ARHGEF10: variants seen among roughly 807,000 people sequenced by gnomAD.
The protein encoded by ARHGEF10 is Rho guanine nucleotide exchange factor (GEF) 10.
In ARHGEF10, 140 loss-of-function variants were observed where a neutral mutation model predicts 147.4. The observed-to-expected ratio is 0.95, with a 90% CI of 0.83 to 1.09. The LOEUF (loss-of-function observed/expected upper bound fraction) is 1.09, where lower values mean the gene tolerates loss of function less well. Among genes scored for constraint, ARHGEF10 ranks in the 50% least tolerant of loss-of-function variants. ARHGEF10 has a pLI of 0.00. For synonymous variants in ARHGEF10, 902 were observed against 695.8 expected (o/e 1.30, Z -4.67); for missense variants, 2,222 against 1,752.7 (o/e 1.27, Z -4.78).
Position 1,905,706 on chromosome 8 carries a change from G to A in ARHGEF10, c.1957G>A (p.Val653Ile), listed in dbSNP as rs769409907. ...AAATGATGTGTTAATGTGTGCCACCGTCAGCTCACGGTAAGTGCATAAATT... is the reference window on the plus strand; with the variant it reads ...AAATGATGTGTTAATGTGTGCCACCATCAGCTCACGGTAAGTGCATAAATT... ...MLNDVLMCAT[V>I]SSRPSHDSRV... The change falls in exon 17 of 29, where the codon GTC becomes ATC. Residue 653 changes from valine (V) to isoleucine (I), a missense_variant. Coordinates refer to ENST00000349830, the MANE Select transcript of ARHGEF10 (RefSeq NM_014629.4). 15 of 1,613,670 alleles carry A rather than the reference G, an allele frequency of 9.3e-6. No homozygotes were observed. In the Admixed American group the frequency reaches 1.2e-4, roughly 13 times the overall value.
At chr8:1,874,150 A>G (rs1269053156) in intron 7 of ARHGEF10, among the ~76,000 whole-genome samples, 1 of 152,240 alleles carries the variant, frequency 6.6e-6, no homozygotes, top group African/African-American at 2.4e-5. Flanking sequence ...GGAAGTGAGT[A>G]ATTCACTGAA....
At chr8:1,874,485 T>C (rs557090916) in intron 7 of ARHGEF10, among the ~76,000 whole-genome samples, 57 of 152,370 alleles carry the variant, frequency 3.7e-4, no homozygotes, top group African/African-American at 1.3e-3. Flanking sequence ...GAAAACCATG[T>C]CTGTGTAGAC....
At chr8:1,894,274 C>G in intron 12 of ARHGEF10, 119 bp from the exon 13 acceptor site, 1 of 1,031,500 alleles carries the variant, frequency 9.7e-7, no homozygotes, top group Non-Finnish European at 1.5e-6. Flanking sequence ...GGCTTGAGCC[C>G]AGGAGTTTGA....
chr8:1,858,151 G>A, intron 3 of ARHGEF10, 36 bp downstream of exon 3: 1 of 1,590,400 alleles, frequency 6.3e-7, no homozygotes, highest in Non-Finnish European at 8.6e-7. Context: ...TGAGTCCCCA[G>A]GTGGGTCCCC....
At chr8:1,906,541 T>A (rs1458416549) in intron 17 of ARHGEF10, among the ~76,000 whole-genome samples, 1 of 152,108 alleles carries the variant, frequency 6.6e-6, no homozygotes, top group Non-Finnish European at 1.5e-5. Context: ...TCGCCCCCAT[T>A]TTCCAGCGGC....
At chr8:1,866,502 A>T (rs1432831388) in intron 5 of ARHGEF10, 24 bp from the exon 6 acceptor site, 1 of 1,611,174 alleles carries the variant, frequency 6.2e-7, no homozygotes, top group Non-Finnish European at 8.5e-7. Context: ...GGATATTCTG[A>T]CTTTATGGTT....
At position 1,871,717 on chromosome 8, in the gene ARHGEF10, C is replaced by T. The variant is rs553768140; in HGVS notation, c.679+2467C>T. 9.9e-5 allele frequency among the ~76,000 whole-genome samples: 15 copies of T among 152,206 alleles called. No individual in the cohort carries two copies. In the South Asian group the frequency reaches 3.1e-3, roughly 32 times the overall value. On this transcript the variant is annotated intron_variant, in intron 7 of 28. Coordinates refer to ENST00000349830, the MANE Select transcript of ARHGEF10 (RefSeq NM_014629.4). The stretch of plus-strand genomic sequence containing the variant: ...CCTGTAATTCCAGCTACTCGGGTGG[C>T]TGAGACAGAGAATTACTTGAACCCG...
At chr8:1,883,885 A>G (rs751197730) in intron 10 of ARHGEF10, among the ~76,000 whole-genome samples, 5 of 152,062 alleles carry the variant, frequency 3.3e-5, no homozygotes, top group Admixed American at 1.3e-4. Context: ...CAACCCCCCA[A>G]CTGGAGCCCA....
rs1466959394 is a variant in ARHGEF10 at position 1,888,213 on chromosome 8, CGAGGGTTGCGAGGAGACAGTGAGTGTGGT to C, written c.1182+2523_1182+2551del. On this transcript the variant is annotated intron_variant, in intron 11 of 28. Coordinates refer to ENST00000349830, the MANE Select transcript of ARHGEF10 (RefSeq NM_014629.4). ...GTTTGCGAGGAGACACTTAGTGGGG[CGAGGGTTGCGAGGAGACAGTGAGTGTGGT>C]GAGGGTTGCGAGGAGATGCTGAGTG... 1.7e-3 allele frequency among the ~76,000 whole-genome samples: 45 copies of C among 26,356 alleles called. 8 individuals are homozygous for C. Among genetic ancestry groups the C allele is most frequent in the African/African-American group, 6.7e-3 (39 of 5,780 alleles). The allele number at this position is 26,356 out of a possible 152,430, so 17.3% of individuals were successfully genotyped here. A position where few individuals can be genotyped will look rare whatever the true frequency, so the allele number is the denominator to read the frequency against.
chr8:1,904,422 A>G (rs893101719), intron 16 of ARHGEF10: 10 of 152,232 alleles, frequency 6.6e-5, no homozygotes, highest in African/African-American at 2.4e-4. Context: ...TTACGTTACA[A>G]TGACATTCAG....
Position 1,894,396 on chromosome 8 carries a change from T to C in ARHGEF10, c.1264T>C (p.Tyr422His), listed in dbSNP as rs2129157304. ...GTCTTTGCTCATTTTGTCTTAGCAA[T>C]ATGAGAAGCCGCTGTCTGAGATGGA... ...VDALKRILEQ[Y>H]EKPLSEMEPK... The change falls in exon 13 of 29, where the codon TAT becomes CAT. Residue 422 changes from tyrosine (Y) to histidine (H), a missense_variant. Transcript: ENST00000349830. The C allele has an allele frequency of 1.9e-6, 3 of 1,614,044 alleles. No homozygotes were observed. The highest frequency in any genetic ancestry group is 2.5e-6 in the Non-Finnish European group (3 of 1,179,982).
At position 1,860,087 on chromosome 8, in the gene ARHGEF10, T is replaced by C. The variant is rs1805971965; in HGVS notation, c.384T>C (p.Pro128=). Residue 128 remains proline (P), a synonymous_variant, in exon 4 of 29, where the codon CCT becomes CCC. Transcript: ENST00000349830. ...ATGTGCCCTGCGGGTACTTGGTGCC[T>C]GTACCCTGCGGCTATGCGGTGCCCT... ...GLHVPCGYLV[P]VPCGYAVPSN... 2 of 1,614,074 alleles carry C rather than the reference T, an allele frequency of 1.2e-6. No homozygotes were observed. Among genetic ancestry groups the C allele is most frequent in the Non-Finnish European group, 1.7e-6 (2 of 1,179,966 alleles).
At chr8:1,921,374 A>G (rs1812275467) in intron 18 of ARHGEF10, among the ~76,000 whole-genome samples, 1 of 152,198 alleles carries the variant, frequency 6.6e-6, no homozygotes, top group Non-Finnish European at 1.5e-5. Flanking sequence ...AAGCTGCATA[A>G]TTTGTGGGAC....
chr8:1,853,339 C>T (rs903722578), intron 2 of ARHGEF10, among the ~76,000 whole-genome samples: 1 of 152,210 alleles, frequency 6.6e-6, no homozygotes, highest in Non-Finnish European at 1.5e-5. Flanking sequence ...GACCAACGGG[C>T]GGAGAACACT....
intron 8 of ARHGEF10, among the ~76,000 whole-genome samples, chr8:1,877,542 T>C (rs115048586): frequency 1.9e-4 from 29 of 152,298 alleles, no homozygotes; most frequent in African/African-American, 7.0e-4. Flanking sequence ...GATCCTTTCT[T>C]ACAGGGAATT....
intron 18 of ARHGEF10, among the ~76,000 whole-genome samples, chr8:1,912,162 CA>C (rs1263313977): frequency 6.6e-6 from 1 of 152,104 alleles, no homozygotes. Context: ...CCTGTCCCTG[CA>C]AAAGCGCCGT....
chr8:1,898,379 C>T (rs755544), intron 14 of ARHGEF10, 54 bp from the exon 15 acceptor site: 3 of 1,528,304 alleles, frequency 2.0e-6, no homozygotes, highest in Non-Finnish European at 2.7e-6. Flanking sequence ...GCCCCAGGGG[C>T]AGGGAGGGCA....
At chr8:1,878,085 C>T (rs925591129) in intron 8 of ARHGEF10, among the ~76,000 whole-genome samples, 1 of 152,182 alleles carries the variant, frequency 6.6e-6, no homozygotes. Flanking sequence ...GTCAGCTCAC[C>T]TACCCAGTTT....
intron 14 of ARHGEF10, among the ~76,000 whole-genome samples, chr8:1,897,123 A>G (rs1810040897): frequency 6.6e-6 from 1 of 152,206 alleles, no homozygotes; most frequent in African/African-American, 2.4e-5. Context: ...CCTCATTTGC[A>G]TGATAAACCC....
Sources: allele counts gnomAD v4.1 joint callset (sites outside exome capture counted in the v4.1 genomes callset), GRCh38; gene constraint gnomAD v4.1.1; transcripts MANE v1.5; gene names NCBI Gene and HGNC (gene_info 2026-07-23, HGNC 2026-07-21).